VAT1L: variants seen among roughly 807,000 people sequenced by gnomAD.
VAT1L encodes vesicle amine transport 1 like, also known as putative NADPH-dependent quinone oxidoreductase VAT1L.
VAT1L carries 34 observed loss-of-function variants against 44.1 expected under a neutral mutation model. The observed-to-expected ratio is 0.77, with a 90% CI of 0.59 to 1.03. The LOEUF is 1.03. Ranked by LOEUF, VAT1L falls within the 50% of genes least tolerant of loss-of-function variation. VAT1L has a pLI of 0.00. For synonymous variants in VAT1L, 253 were observed against 202.2 expected (o/e 1.25, Z -2.13); for missense variants, 615 against 538.8 (o/e 1.14, Z -1.40).
At chr16:77,910,770 T>A (rs537512482) in intron 7 of VAT1L, among the ~76,000 whole-genome samples, 2 of 151,484 alleles carry the variant, frequency 1.3e-5, no homozygotes, top group South Asian at 4.2e-4. Flanking sequence ...ATTAAAGAAA[T>A]CTCCTTGACA....
At chr16:77,902,725 G>A (rs1284576891) in intron 7 of VAT1L, among the ~76,000 whole-genome samples, 5 of 81,612 alleles carry the variant, frequency 6.1e-5, no homozygotes, top group South Asian at 9.3e-4. Context: ...GGAGGCCGAT[G>A]GGGGGGTGGG....
intron 7 of VAT1L, among the ~76,000 whole-genome samples, chr16:77,943,326 C>T (rs1027872570): frequency 1.3e-5 from 2 of 151,004 alleles, no homozygotes; most frequent in African/African-American, 2.4e-5. Context: ...CAAAGTGCTG[C>T]GATTACAGAT....
intron 3 of VAT1L, among the ~76,000 whole-genome samples, chr16:77,831,067 C>T (rs1488781621): frequency 6.6e-6 from 1 of 152,160 alleles, no homozygotes; most frequent in South Asian, 2.1e-4. Flanking sequence ...GTTCATCCTC[C>T]CAGCAACATT....
intron 3 of VAT1L, among the ~76,000 whole-genome samples, chr16:77,860,333 C>T (rs1003643098): frequency 1.3e-5 from 2 of 152,098 alleles, no homozygotes; most frequent in Admixed American, 6.6e-5. Context: ...TGTGATGTGT[C>T]GCTTTTGGGA....
At chr16:77,956,211 G>A (rs1226552822) in intron 7 of VAT1L, among the ~76,000 whole-genome samples, 1 of 151,884 alleles carries the variant, frequency 6.6e-6, no homozygotes, top group African/African-American at 2.4e-5. Context: ...TACTTACCAT[G>A]TACCCACAAA....
At chr16:77,927,101 C>G (rs389375) in intron 7 of VAT1L, among the ~76,000 whole-genome samples, 149,656 of 152,192 alleles carry the variant, frequency 0.98, 73,627 homozygotes, top group South Asian at 1. Flanking sequence ...CATTTTGGGA[C>G]GCCGAGGCAG....
intron 4 of VAT1L, among the ~76,000 whole-genome samples, chr16:77,863,494 G>C (rs969857026): frequency 6.6e-6 from 1 of 152,226 alleles, no homozygotes; most frequent in Non-Finnish European, 1.5e-5. Context: ...AAAGGGTGGA[G>C]CCTGGAGTCA....
intron 2 of VAT1L, among the ~76,000 whole-genome samples, chr16:77,818,002 G>A (rs778035125): frequency 6.6e-6 from 1 of 152,160 alleles, no homozygotes; most frequent in Non-Finnish European, 1.5e-5. Flanking sequence ...TGCAGATGAG[G>A]TTCGGGAGGG....
intron 3 of VAT1L, among the ~76,000 whole-genome samples, chr16:77,855,533 A>G (rs1187091461): frequency 2.6e-5 from 4 of 152,130 alleles, no homozygotes; most frequent in Non-Finnish European, 5.9e-5. Flanking sequence ...TAGTGCACCA[A>G]TGCAGTCTTT....
At chr16:77,963,485 C>A (rs1367847099) in intron 7 of VAT1L, among the ~76,000 whole-genome samples, 1 of 151,996 alleles carries the variant, frequency 6.6e-6, no homozygotes, top group Non-Finnish European at 1.5e-5. Flanking sequence ...TGATGTTAAC[C>A]CTGTAAAACC....
At chr16:77,791,094 G>A (rs9929417) in intron 1 of VAT1L, among the ~76,000 whole-genome samples, 14 of 152,170 alleles carry the variant, frequency 9.2e-5, no homozygotes, top group African/African-American at 3.1e-4. Flanking sequence ...GTTTTACAAG[G>A]AAGGATTGTA....
intron 3 of VAT1L, among the ~76,000 whole-genome samples, chr16:77,831,810 G>C (rs934066462): frequency 1.3e-5 from 2 of 151,364 alleles, no homozygotes; most frequent in African/African-American, 2.4e-5. Flanking sequence ...TTTTTTGTTT[G>C]TTTGTTGTTT....
At chr16:77,942,933 CAG>C (rs2017907865) in intron 7 of VAT1L, among the ~76,000 whole-genome samples, 1 of 147,966 alleles carries the variant, frequency 6.8e-6, no homozygotes, top group Non-Finnish European at 1.5e-5. Flanking sequence ...TTAGTAGAGA[CAG>C]AGTTTCATCA....
At chr16:77,910,766 G>T (rs1363709700) in intron 7 of VAT1L, among the ~76,000 whole-genome samples, 1 of 150,836 alleles carries the variant, frequency 6.6e-6, no homozygotes, top group African/African-American at 2.4e-5. Flanking sequence ...CTGCATTAAA[G>T]AAATCTCCTT....
chr16:77,972,789 AATAAT>A (rs1196371410), intron 8 of VAT1L, among the ~76,000 whole-genome samples: 1 of 150,468 alleles, frequency 6.6e-6, no homozygotes, highest in African/African-American at 2.4e-5. Flanking sequence ...CAAAAATGAT[AATAAT>A]AATAATATAA....
chr16:77,963,262 G>A (rs1034975659), intron 7 of VAT1L, among the ~76,000 whole-genome samples: 4 of 152,174 alleles, frequency 2.6e-5, no homozygotes, highest in African/African-American at 7.2e-5. Flanking sequence ...AGGGACTTGG[G>A]GATGGGGAGA....
At chr16:77,967,676 C>A (rs939285572) in intron 7 of VAT1L, among the ~76,000 whole-genome samples, 1 of 152,184 alleles carries the variant, frequency 6.6e-6, no homozygotes, top group Non-Finnish European at 1.5e-5. Context: ...GCTTTTTCTC[C>A]TAGCATCACA....
intron 7 of VAT1L, among the ~76,000 whole-genome samples, chr16:77,908,653 C>A (rs998561736): frequency 6.6e-6 from 1 of 151,932 alleles, no homozygotes; most frequent in African/African-American, 2.4e-5. Context: ...CGGTGACTCA[C>A]GCCCGTAATC....
intron 7 of VAT1L, among the ~76,000 whole-genome samples, chr16:77,900,684 G>C (rs2017371753): frequency 6.9e-6 from 1 of 145,304 alleles, no homozygotes; most frequent in South Asian, 2.2e-4. Flanking sequence ...AGCAGAGTGA[G>C]ACTGTGTCTT....
Sources: gnomAD v4.1 joint callset for allele counts (sites outside exome capture counted in the v4.1 genomes callset) on GRCh38, gnomAD v4.1.1 for gene constraint, MANE v1.5 for transcripts, NCBI Gene and HGNC (gene_info 2026-07-23, HGNC 2026-07-21) for gene names.